USP9X: variants seen among roughly 807,000 people sequenced by gnomAD.
USP9X encodes the protein ubiquitin carboxyl-terminal hydrolase 9X.
Under a neutral mutation model 190.3 loss-of-function variants are expected in USP9X, and 7 were observed. The observed-to-expected ratio is 0.04, with a 90% CI of 0.02 to 0.07. The LOEUF (loss-of-function observed/expected upper bound fraction) is 0.07, where lower values mean the gene tolerates loss of function less well. USP9X is among the 10% of genes least tolerant of loss of function. The pLI, the probability that USP9X is intolerant of heterozygous loss-of-function variation, is 1.00. For synonymous variants in USP9X, 645 were observed against 659.5 expected (o/e 0.98, Z 0.34); for missense variants, 1,010 against 1,916.9 (o/e 0.53, Z 8.83).
intron 1 of USP9X, among the ~76,000 whole-genome samples, chrX:41,122,578 C>T (rs745524574): frequency 1.1e-4 from 12 of 111,679 alleles, no homozygotes; most frequent in East Asian, 2.8e-4. Context: ...TTTTGGGCTC[C>T]GGCCCCACAG....
intron 11 of USP9X, among the ~76,000 whole-genome samples, chrX:41,145,769 A>G (rs1441515515): frequency 2.7e-5 from 3 of 111,663 alleles, no homozygotes; most frequent in Admixed American, 9.5e-5. Flanking sequence ...ACAGTAGAAG[A>G]AAAAAATACC....
intron 33 of USP9X, among the ~76,000 whole-genome samples, chrX:41,211,296 T>C (rs1248737969): frequency 8.9e-6 from 1 of 112,498 alleles, no homozygotes; most frequent in Non-Finnish European, 1.9e-5. Flanking sequence ...TGGCCTACTC[T>C]TACATTCTTT....
chrX:41,229,209 A>G (rs1292129963), intron 41 of USP9X, 44 bp from the exon 42 acceptor site: 39 of 1,062,655 alleles, frequency 3.7e-5, no homozygotes, highest in Non-Finnish European at 4.8e-5. Flanking sequence ...TATATTAGCT[A>G]TTAGATTTTA....
chrX:41,148,247 C>T lies in USP9X; in HGVS notation c.1420-122C>T. 5.6e-6 allele frequency: 4 copies of T among 713,185 alleles called. No individual in the cohort carries two copies. In the East Asian group the frequency reaches 1.0e-4, roughly 18 times the overall value. The allele number at this position is 713,185 out of a possible 1,213,427, so 58.8% of individuals were successfully genotyped here. On this transcript the variant is annotated intron_variant, in intron 11 of 44. Transcript: ENST00000378308. ...AGGCTAACTATATTTTCAGATCTCA[C>T]TTGAATCATTCTGTGCTTAGCTACG... is the stretch of plus-strand genomic sequence containing the variant.
chrX:41,109,948 G>A (rs1470588449), intron 1 of USP9X, among the ~76,000 whole-genome samples: 1 of 111,784 alleles, frequency 8.9e-6, no homozygotes, highest in Non-Finnish European at 1.9e-5. Context: ...ATAACTTAGG[G>A]ATGTTTAGGT....
chrX:41,219,257 C>T (rs879149190), intron 38 of USP9X, 26 bp downstream of exon 38: 1 of 1,187,342 alleles, frequency 8.4e-7, no homozygotes, highest in Non-Finnish European at 1.1e-6. Context: ...TTTCAGAATT[C>T]TGTTTTGATG....
At chrX:41,151,079 A>T (rs1260005196) in intron 13 of USP9X, 22 bp downstream of exon 13, 1 of 1,176,010 alleles carries the variant, frequency 8.5e-7, no homozygotes, top group East Asian at 3.0e-5. Flanking sequence ...TAACATAGAA[A>T]ATTTCAATAC....
At chrX:41,148,172 C>T (rs111838371) in intron 11 of USP9X, among the ~76,000 whole-genome samples, 197 bp from the exon 12 acceptor site, 2,365 of 111,118 alleles carry the variant, frequency 0.021, 21 homozygotes, top group Admixed American at 0.032. Context: ...AATAGTGTAT[C>T]ATTTATTTTT....
chrX:41,103,738 T>C (rs1478162763), intron 1 of USP9X, among the ~76,000 whole-genome samples: 2 of 112,252 alleles, frequency 1.8e-5, no homozygotes, highest in East Asian at 2.8e-4. Flanking sequence ...AATTCTGTTA[T>C]GATAGAACCA....
chrX:41,182,398 C>T (rs775606184), intron 21 of USP9X, among the ~76,000 whole-genome samples: 1 of 109,902 alleles, frequency 9.1e-6, no homozygotes, highest in South Asian at 3.8e-4. Context: ...TCCACCACTT[C>T]CTTTTCTTGA....
At chrX:41,123,280 T>G (rs1356940255) in intron 1 of USP9X, among the ~76,000 whole-genome samples, 191 bp from the exon 2 acceptor site, 1 of 112,267 alleles carries the variant, frequency 8.9e-6, no homozygotes, top group Non-Finnish European at 1.9e-5. Flanking sequence ...CTTGGTATAA[T>G]GGCCAGTGTA....
chrX:41,111,532 TCA>T (rs950849743), intron 1 of USP9X, among the ~76,000 whole-genome samples: 1 of 111,922 alleles, frequency 8.9e-6, no homozygotes, highest in Non-Finnish European at 1.9e-5. Context: ...GAAGATAAAC[TCA>T]CACAGGTGCT....
intron 31 of USP9X, among the ~76,000 whole-genome samples, chrX:41,203,608 A>G (rs1356689415): frequency 1.8e-5 from 2 of 112,327 alleles, no homozygotes; most frequent in Non-Finnish European, 3.8e-5. Context: ...TGGATATACA[A>G]ATAGCTGTTT....
chrX:41,125,684 A>ACACACACACACACACT lies in USP9X; in HGVS notation c.96+1961_96+1962insACACACACACACACTC. Among the ~76,000 whole-genome samples the ACACACACACACACACT allele has an allele frequency of 3.3e-3, 63 of 19,012 alleles. 2 individuals carry two copies. Among genetic ancestry groups the ACACACACACACACACT allele is most frequent in the East Asian group, 5.8e-3 (3 of 516 alleles). 16.5% of individuals were successfully genotyped at this position (19,012 alleles called of 115,157 possible). ...CACACACACACACACACACACACAC[A>ACACACACACACACACT]CTCTCTCTCTCTCTCTCTCTCTCTC... On this transcript the variant is annotated intron_variant, in intron 2 of 44. Transcript: ENST00000378308.
intron 33 of USP9X, among the ~76,000 whole-genome samples, chrX:41,212,435 AAG>A (rs2065384740): frequency 9.9e-6 from 1 of 100,652 alleles, no homozygotes; most frequent in Admixed American, 1.1e-4. Flanking sequence ...CCCCCTCTGC[AAG>A]AAACACCCAA....
intron 12 of USP9X, among the ~76,000 whole-genome samples, chrX:41,150,551 AT>A (rs1485500326): frequency 9.0e-6 from 1 of 111,263 alleles, no homozygotes; most frequent in Non-Finnish European, 1.9e-5. Flanking sequence ...TTAATTCTGG[AT>A]TTTATGATAC....
In USP9X at chrX:41,166,196, A is replaced by G; in HGVS notation, c.2310A>G (p.Gly770=). ...AYMMDDLELI[G]LDYLWRVVIQ... The stretch of plus-strand genomic sequence containing the variant: ...TGATGGATGACTTGGAGTTAATAGG[A>G]TTAGATTACCTTTGGAGGGTAAGTC... Residue 770 remains glycine, a synonymous_variant, in exon 16 of 45, where the codon GGA becomes GGG. Transcript: ENST00000378308. 1.7e-6 allele frequency: 2 copies of G among 1,188,957 alleles called. No individual in the cohort carries two copies. The highest frequency in any genetic ancestry group is 2.3e-6 in the Non-Finnish European group (2 of 883,527).
In USP9X at chrX:41,107,443, CTTT is replaced by C. The variant is rs2062079147; in HGVS notation, c.-158-16025_-158-16023del. On this transcript the variant is annotated intron_variant, in intron 1 of 44. Coordinates refer to ENST00000378308, the MANE Select transcript of USP9X (RefSeq NM_001039591.3). ...TCCTTTGTATGTGGTGATGGATGCACTTTTTGCTGCATTCAAGATTGTCTTTGT... is the reference window on the plus strand; with the variant it reads ...TCCTTTGTATGTGGTGATGGATGCACTTGCTGCATTCAAGATTGTCTTTGT... 8.9e-5 allele frequency among the ~76,000 whole-genome samples: 10 copies of C among 111,911 alleles called. 1 individual carries two copies. In the South Asian group the frequency reaches 3.7e-3, roughly 41 times the overall value.
At chrX:41,151,772 G>A (rs930789903) in intron 13 of USP9X, among the ~76,000 whole-genome samples, 13 of 112,638 alleles carry the variant, frequency 1.2e-4, no homozygotes, top group Non-Finnish European at 2.3e-4. Context: ...CCTGAGGCCA[G>A]GAGTTCGAGA....
Sources: allele counts gnomAD v4.1 joint callset (sites outside exome capture counted in the v4.1 genomes callset), GRCh38; gene constraint gnomAD v4.1.1; transcripts MANE v1.5; gene names NCBI Gene and HGNC (gene_info 2026-07-23, HGNC 2026-07-21).